The following MYO16 variants were observed in gnomAD, a reference collection of about 807,000 sequenced individuals.
MYO16 encodes the protein unconventional myosin-XVI.
A neutral mutation model predicts 205.3 loss-of-function variants in MYO16; 94 were observed. The observed-to-expected ratio is 0.46, with a 90% CI of 0.39 to 0.54. The LOEUF (loss-of-function observed/expected upper bound fraction) is 0.54. MYO16 is among the 20% of genes least tolerant of loss of function. The pLI, the probability that MYO16 is intolerant of heterozygous loss-of-function variation, is 0.00. For synonymous variants in MYO16, 988 were observed against 954.0 expected (o/e 1.04, Z -0.66); for missense variants, 2,315 against 2,387.5 (o/e 0.97, Z 0.63).
intron 23 of MYO16, among the ~76,000 whole-genome samples, chr13:109,035,683 C>CA (rs1566474221): frequency 6.6e-6 from 1 of 151,978 alleles, no homozygotes; most frequent in East Asian, 1.9e-4. Context: ...GACTCTGCTT[C>CA]AAAAAAATTA....
At chr13:108,535,797 G>A in the MYO16 span, among the ~76,000 whole-genome samples, 2 of 152,176 alleles carry the variant, frequency 1.3e-5, no homozygotes, top group African/African-American at 4.8e-5. Context: ...ACCATGCCTT[G>A]TGCTTTAACT....
the MYO16 span, among the ~76,000 whole-genome samples, chr13:108,559,490 T>TG: frequency 7.5e-5 from 11 of 145,804 alleles, no homozygotes; most frequent in African/African-American, 2.8e-4. Context: ...TTTTTTTTTT[T>TG]TTGAGACGGA....
At position 108,962,459 on chromosome 13, in the gene MYO16, G is replaced by T; in HGVS notation, c.2191G>T (p.Ala731Ser). The change falls in exon 19 of 35, where the codon GCA becomes TCA. Residue 731 changes from alanine to serine, a missense_variant. Ala to Ser is a moderately conservative substitution (Grantham distance 99). Transcript: ENST00000457511. ...GTTACAAGTATCAACAGATGAATTGGCATCTGCCTTAACAACTGATATTCA... is the reference window on the plus strand; with the variant it reads ...GTTACAAGTATCAACAGATGAATTGTCATCTGCCTTAACAACTGATATTCA... Reference protein sequence around the residue: ...GMLQVSTDELASALTTDIQYF... With the variant: ...GMLQVSTDELSSALTTDIQYF... 6.3e-7 allele frequency: 1 copy of T among 1,598,464 alleles called. No homozygotes were observed.
intron 6 of MYO16, among the ~76,000 whole-genome samples, chr13:108,805,304 AATATATTT>A (rs1159014242): frequency 6.6e-6 from 1 of 152,106 alleles, no homozygotes; most frequent in African/African-American, 2.4e-5. Context: ...CATTTAGATG[AATATATTT>A]ATTCTAATGT....
At chr13:108,722,901 C>T (rs931876805) in intron 3 of MYO16, among the ~76,000 whole-genome samples, 2 of 152,182 alleles carry the variant, frequency 1.3e-5, no homozygotes, top group African/African-American at 4.8e-5. Context: ...TCACCCAGAA[C>T]ATCAGATACA....
At chr13:109,119,615 G>A (rs950686787) in intron 28 of MYO16, among the ~76,000 whole-genome samples, 6 of 152,198 alleles carry the variant, frequency 3.9e-5, no homozygotes, top group African/African-American at 1.4e-4. Flanking sequence ...GTGGCTTACA[G>A]CTATGTGTTA....
At chr13:108,803,320 G>A (rs142669408) in intron 6 of MYO16, among the ~76,000 whole-genome samples, 125 of 152,260 alleles carry the variant, frequency 8.2e-4, no homozygotes, top group African/African-American at 3.0e-3. Context: ...TATAAATATT[G>A]GGTTGAGGTA....
At chr13:109,172,643 A>C (rs899536947) in intron 33 of MYO16, among the ~76,000 whole-genome samples, 1 of 152,300 alleles carries the variant, frequency 6.6e-6, no homozygotes, top group South Asian at 2.1e-4. Flanking sequence ...TCAATTTTCT[A>C]ATCTTAAAAA....
At chr13:108,807,867 A>C (rs1887161949) in intron 7 of MYO16, among the ~76,000 whole-genome samples, 1 of 152,200 alleles carries the variant, frequency 6.6e-6, no homozygotes, top group Admixed American at 6.6e-5. Flanking sequence ...TTGGTAAAGA[A>C]TGATAAAAGA....
In MYO16 at chr13:109,199,192, G is replaced by GTATA. The variant is rs4000581; in HGVS notation, c.5416-7372_5416-7369dup. ...TCAAGTAAATGGTTTAATAAAAAAG[G>GTATA]TATATATATATATATATATATATAT... On this transcript the variant is annotated intron_variant, in intron 34 of 34. Coordinates refer to ENST00000457511, the MANE Select transcript of MYO16 (RefSeq NM_001198950.3). Among the ~76,000 whole-genome samples the GTATA allele has an allele frequency of 1.0e-3, 76 of 75,576 alleles. 2 individuals are homozygous for GTATA. Among genetic ancestry groups the GTATA allele is most frequent in the Non-Finnish European group, 1.2e-3 (49 of 39,942 alleles). The allele number at this position is 75,576 out of a possible 152,430, so 49.6% of individuals were successfully genotyped here.
chr13:108,964,838 CG>C lies in MYO16; in HGVS notation c.2306del (p.Arg769LeufsTer7). 1 of 1,613,996 alleles carries C rather than the reference CG, an allele frequency of 6.2e-7. No homozygotes were observed. On this transcript the variant is annotated frameshift_variant, in exon 20 of 35. Transcript: ENST00000457511. LOFTEE classifies it high-confidence loss of function. Reference protein sequence around the residue: ...RDLLAKSLYSRLFSFLVNTMN... With the variant: ...RDLLAKSLYSXLFSFLVNTMN... ...CCTCTTGGCCAAGTCCCTGTACAGT[CG>C]TTTGTTTAGCTTTTTGGTGAATACC... is the stretch of plus-strand genomic sequence containing the variant.
intron 32 of MYO16, among the ~76,000 whole-genome samples, chr13:109,154,681 G>C (rs1219930465): frequency 6.6e-6 from 1 of 152,056 alleles, no homozygotes; most frequent in Non-Finnish European, 1.5e-5. Flanking sequence ...TCTGGGGAAA[G>C]TGAGGAGGAA....
At chr13:109,206,519 C>T in intron 34 of MYO16, 90 bp from the exon 35 acceptor site, 1 of 966,294 alleles carries the variant, frequency 1.0e-6, no homozygotes. Context: ...ACCAGTCCTG[C>T]CCCTTTGTAT....
intron 20 of MYO16, among the ~76,000 whole-genome samples, chr13:108,983,353 G>C (rs182754152): frequency 2.0e-5 from 3 of 152,274 alleles, no homozygotes; most frequent in African/African-American, 7.2e-5. Flanking sequence ...GTTTCCCAGA[G>C]AACATTCTGT....
At chr13:109,110,825 T>C (rs542014103) in intron 28 of MYO16, among the ~76,000 whole-genome samples, 1 of 152,300 alleles carries the variant, frequency 6.6e-6, no homozygotes, top group South Asian at 2.1e-4. Context: ...CTGGAGAGGA[T>C]GCCTTTAGTT....
At chr13:109,042,009 C>T (rs761992587) in intron 23 of MYO16, among the ~76,000 whole-genome samples, 28 of 152,092 alleles carry the variant, frequency 1.8e-4, no homozygotes, top group Non-Finnish European at 3.5e-4. Context: ...GGATTGCAGG[C>T]GTATACCACC....
chr13:108,822,782 A>C (rs1384868305), intron 8 of MYO16, among the ~76,000 whole-genome samples: 1 of 152,154 alleles, frequency 6.6e-6, no homozygotes, highest in East Asian at 1.9e-4. Flanking sequence ...ATTTTGGTTC[A>C]TAGTCGCCAA....
intron 4 of MYO16, among the ~76,000 whole-genome samples, chr13:108,742,460 A>T (rs758032375): frequency 6.6e-6 from 1 of 152,160 alleles, no homozygotes; most frequent in East Asian, 1.9e-4. Flanking sequence ...TCCACTAAGA[A>T]TTTTTTCACT....
intron 28 of MYO16, among the ~76,000 whole-genome samples, chr13:109,104,407 G>A (rs1275358041): frequency 6.6e-6 from 1 of 152,098 alleles, no homozygotes; most frequent in Admixed American, 6.6e-5. Flanking sequence ...TCCCATTACA[G>A]GGTGACTCTG....
Sources: gnomAD v4.1 joint callset for allele counts (sites outside exome capture counted in the v4.1 genomes callset) on GRCh38, gnomAD v4.1.1 for gene constraint, MANE v1.5 for transcripts, NCBI Gene and HGNC (gene_info 2026-07-23, HGNC 2026-07-21) for gene names.